The following ARHGEF40 variants were observed in gnomAD, a reference collection of about 807,000 sequenced individuals.
ARHGEF40 encodes the protein Rho guanine nucleotide exchange factor (GEF) 40.
Under a neutral mutation model 165.9 loss-of-function variants are expected in ARHGEF40, and 98 were observed. The ratio of observed to expected loss-of-function variants is 0.59; its 90% confidence interval spans 0.50 to 0.70. The LOEUF (loss-of-function observed/expected upper bound fraction) is 0.70. Ranked by LOEUF, ARHGEF40 falls within the 30% of genes least tolerant of loss-of-function variation. ARHGEF40 has a pLI of 0.00. For synonymous variants in ARHGEF40, 792 were observed against 814.3 expected (o/e 0.97, Z 0.47); for missense variants, 1,815 against 1,968.0 (o/e 0.92, Z 1.47).
rs1888672662 is a variant in ARHGEF40 at position 21,089,766 on chromosome 14, CCTT to C, written c.*761_*763del. On this transcript the variant is annotated 3_prime_UTR_variant, in exon 24 of 24. Transcript: ENST00000298694. ...GAGGTTCCACACACTCTCTGAAGCTCCTTCTCCCACACTGCACCTACTCCTTGA... is the reference window on the plus strand; with the variant it reads ...GAGGTTCCACACACTCTCTGAAGCTCCTCCCACACTGCACCTACTCCTTGA... 1 of 152,838 alleles carries C rather than the reference CCTT, an allele frequency of 6.5e-6. No homozygotes were observed. The highest frequency in any genetic ancestry group is 2.0e-4 in the South Asian group (1 of 4,894). 9.5% of individuals were successfully genotyped at this position (152,838 alleles called of 1,614,324 possible).
At chr14:21,063,940 G>C in the ARHGEF40 span, among the ~76,000 whole-genome samples, 117 of 152,226 alleles carry the variant, frequency 7.7e-4, 1 homozygote, top group African/African-American at 2.4e-3. Context: ...ACATAGAACC[G>C]AATCTGCTTC....
In ARHGEF40 at chr14:21,085,852, C is replaced by A. The variant is rs1389423100; in HGVS notation, c.4124C>A (p.Ala1375Glu). 1.2e-6 allele frequency: 2 copies of A among 1,613,964 alleles called. No homozygotes were observed. The highest frequency in any genetic ancestry group is 1.7e-6 in the Non-Finnish European group (2 of 1,180,034). ...SSIAQLLWRQ[A>E]AHNKELRVQQ... ...ATTGCCCAGCTGCTGTGGAGACAGG[C>A]AGCCCACAACAAGGGTACTGGGCAG... Residue 1375 changes from alanine (A) to glutamate (E), a missense_variant, in exon 19 of 24, where the codon GCA (alanine) becomes GAA (glutamate). By Grantham distance (107) the Ala-to-Glu change is moderately radical. Transcript: ENST00000298694.
In ARHGEF40 at chr14:21,080,754, G is replaced by A. The variant is rs61734981; in HGVS notation, c.2468G>A (p.Arg823Gln). The A allele has an allele frequency of 2.9e-3, 4,725 of 1,609,538 alleles. 39 individuals are homozygous for A. The highest frequency in any genetic ancestry group is 0.027 in the African/African-American group (1,992 of 74,984). Reference protein sequence around the residue: ...TLSALQETELRFRAFSAEVQE... With the variant: ...TLSALQETELQFRAFSAEVQE... ...TCTGCCCTGCAGGAGACAGAGCTGC[G>A]ATTCCGTGCTTTCAGCGCTGAGGTC... Residue 823 changes from arginine (R) to glutamine (Q), a missense_variant, in exon 12 of 24, where the codon CGA becomes CAA. Physicochemically the swap from Arg to Gln is conservative, Grantham distance 43. Transcript: ENST00000298694.
Position 21,089,096 on chromosome 14 carries a change from C to T in ARHGEF40, c.*88C>T, listed in dbSNP as rs993953181. 8.0e-5 allele frequency: 40 copies of T among 500,098 alleles called. No homozygotes were observed. The highest frequency in any genetic ancestry group is 4.1e-4 in the African/African-American group (21 of 51,094). The allele number at this position is 500,098 out of a possible 1,614,324, so 31.0% of individuals were successfully genotyped here. ...CAGTGGGGCATAATGGAGCCCTGGG[C>T]GATCGCTGAATTTCTTCCCTCTGCT... is the stretch of plus-strand genomic sequence containing the variant. On this transcript the variant is annotated 3_prime_UTR_variant, in exon 24 of 24. Transcript: ENST00000298694.
chr14:21,078,236 TGAG>T lies in ARHGEF40; in HGVS notation c.2098_2100del (p.Glu700del), dbSNP rs1248112040. ...TGCTGGGCTCGGTACGGCAGGCCAT[TGAG>T]GAGCTGGAGGGAGCAGCAGAGCCAG... On this transcript the variant is annotated inframe_deletion, in exon 9 of 24. Transcript: ENST00000298694. 1 of 1,613,838 alleles carries T rather than the reference TGAG, an allele frequency of 6.2e-7. No individual in the cohort carries two copies. Among genetic ancestry groups the T allele is most frequent in the Non-Finnish European group, 8.5e-7 (1 of 1,179,990 alleles).
intron 7 of ARHGEF40, 63 bp downstream of exon 7, chr14:21,076,706 T>C: frequency 1.2e-6 from 2 of 1,609,206 alleles, no homozygotes; most frequent in Non-Finnish European, 8.5e-7. Context: ...AGAGGCTGGC[T>C]GGAGCCCCAG....
Position 21,074,731 on chromosome 14 carries a change from C to A in ARHGEF40, c.1001C>A (p.Ser334Tyr). 2 of 1,604,468 alleles carry A rather than the reference C, an allele frequency of 1.2e-6. No individual in the cohort carries two copies. The highest frequency in any genetic ancestry group is 1.7e-6 in the Non-Finnish European group (2 of 1,176,392). The change falls in exon 3 of 24, where the codon TCT (serine) becomes TAT (tyrosine). Residue 334 changes from serine to tyrosine, a missense_variant. By Grantham distance (144) the Ser-to-Tyr change is moderately radical. Transcript: ENST00000298694. The surrounding 1 kb of genome is among the most constrained non-coding windows in gnomAD (Gnocchi z 4.8). ...AVPEAAVLEV[S>Y]EPPAEAVGEA... ...CCAGAGGCAGCAGTCTTGGAGGTGT[C>A]TGAGCCCCCAGCAGAGGCTGTGGGA...
intron 16 of ARHGEF40, 108 bp downstream of exon 16, chr14:21,083,025 A>G (rs1313818236): frequency 2.1e-6 from 2 of 935,540 alleles, no homozygotes; most frequent in Non-Finnish European, 3.3e-6. Context: ...CAGGAACATC[A>G]CCTACCAATC....
At chr14:21,069,001 A>G (rs561280936), upstream of ARHGEF40, among the ~76,000 whole-genome samples, 1 of 152,370 alleles carries the variant, frequency 6.6e-6, no homozygotes, top group African/African-American at 2.4e-5. Flanking sequence ...AGGCGAGGCC[A>G]GACGTTTTCT....
chr14:21,067,761 TACACACAC>T (rs3061993), upstream of ARHGEF40, among the ~76,000 whole-genome samples: 57 of 150,126 alleles, frequency 3.8e-4, no homozygotes, highest in African/African-American at 1.3e-3. Context: ...TGTACACACG[TACACACAC>T]ACACACACAC....
chr14:21,064,628 G>A, the ARHGEF40 span, among the ~76,000 whole-genome samples: 240 of 152,320 alleles, frequency 1.6e-3, 2 homozygotes, highest in African/African-American at 5.6e-3. Flanking sequence ...TAAAGACAAT[G>A]TAGGCAAAAA....
intron 13 of ARHGEF40, 148 bp from the exon 14 acceptor site, chr14:21,081,361 C>T: frequency 8.7e-7 from 1 of 1,150,848 alleles, no homozygotes; most frequent in South Asian, 1.5e-5. Flanking sequence ...CATGGTTAGG[C>T]AGTGATGGTG....
At chr14:21,069,656 G>T (rs1209506875), upstream of ARHGEF40, among the ~76,000 whole-genome samples, 1 of 152,232 alleles carries the variant, frequency 6.6e-6, no homozygotes, top group Non-Finnish European at 1.5e-5. Context: ...CAACACAGAG[G>T]AGCCCATTGT....
At chr14:21,086,732 T>G in intron 19 of ARHGEF40, 3 of 420,342 alleles carry the variant, frequency 7.1e-6, no homozygotes, top group East Asian at 4.0e-5. Context: ...AGATGCAGAG[T>G]AGAAATTAGG....
In ARHGEF40 at chr14:21,073,912, C is replaced by T; in HGVS notation, c.202-20C>T. ...TTCTTCAGCAGAGGCCTGAGTGCAG[C>T]CTCCCACCTCTCTCCCCAGGCCCAA... is the stretch of plus-strand genomic sequence containing the variant. On this transcript the variant is annotated intron_variant, in intron 2 of 23. Transcript: ENST00000298694. The surrounding 1 kb of genome is among the most constrained non-coding windows in gnomAD (Gnocchi z 4.6). The T allele has an allele frequency of 6.3e-7, 1 of 1,577,188 alleles. No homozygotes were observed. The highest frequency in any genetic ancestry group is 8.6e-7 in the Non-Finnish European group (1 of 1,166,506).
Position 21,081,572 on chromosome 14 carries a change from G to C in ARHGEF40, c.2704G>C (p.Val902Leu). The change falls in exon 14 of 24, where the codon GTG (valine) becomes CTG (leucine). Residue 902 changes from valine to leucine, a missense_variant. Val to Leu is a conservative substitution (Grantham distance 32). Coordinates refer to ENST00000298694, the MANE Select transcript of ARHGEF40 (RefSeq NM_018071.5). ...AGGAGCTGGGCCGGGTCGGGAGGCTGTGCTGGCTGCACTGGCCCTGCGGCG... is the reference window on the plus strand; with the variant it reads ...AGGAGCTGGGCCGGGTCGGGAGGCTCTGCTGGCTGCACTGGCCCTGCGGCG... Reference protein sequence around the residue: ...LAGAGPGREAVLAALALRRAP... With the variant: ...LAGAGPGREALLAALALRRAP... 1 of 1,612,578 alleles carries C rather than the reference G, an allele frequency of 6.2e-7. No homozygotes were observed. Among genetic ancestry groups the C allele is most frequent in the African/African-American group, 1.3e-5 (1 of 75,026 alleles).
At chr14:21,066,104 TAAC>T (rs951156309), upstream of ARHGEF40, among the ~76,000 whole-genome samples, 59 of 151,882 alleles carry the variant, frequency 3.9e-4, no homozygotes, top group Admixed American at 3.2e-3. Flanking sequence ...TTTTCAACAA[TAAC>T]AACAACAACA....
rs757183806 is a variant in ARHGEF40 at position 21,081,473 on chromosome 14, C to G, written c.2641-36C>G. On this transcript the variant is annotated intron_variant, in intron 13 of 23. Coordinates refer to ENST00000298694, the MANE Select transcript of ARHGEF40 (RefSeq NM_018071.5). Reference sequence around the variant, plus strand: ...TTCGTGAGCAACACAGGCCCTTACCCTTTCTCTCCCATCCCCAACCCCTTT... The same window carrying G: ...TTCGTGAGCAACACAGGCCCTTACCGTTTCTCTCCCATCCCCAACCCCTTT... 3.1e-6 allele frequency: 5 copies of G among 1,608,488 alleles called. No homozygotes were observed. The East Asian group carries it at 1.1e-4, about 36-fold the overall frequency.
At chr14:21,081,300 C>A in intron 13 of ARHGEF40, 1 of 797,080 alleles carries the variant, frequency 1.3e-6, no homozygotes, top group Non-Finnish European at 1.9e-6. Flanking sequence ...CGTATGAGTA[C>A]CGGTTATTCT....
Sources: allele counts gnomAD v4.1 joint callset (sites outside exome capture counted in the v4.1 genomes callset), GRCh38; gene constraint gnomAD v4.1.1; non-coding constraint Gnocchi (gnomAD v3.1); transcripts MANE v1.5; gene names NCBI Gene and HGNC (gene_info 2026-07-23, HGNC 2026-07-21).